The following SRI variants were observed in gnomAD, a reference collection of about 807,000 sequenced individuals.
The protein encoded by SRI is sorcin, also known as 22 kDa protein.
A neutral mutation model predicts 33.3 loss-of-function variants in SRI; 30 were observed. The ratio of observed to expected loss-of-function variants is 0.90; its 90% CI spans 0.67 to 1.22. The LOEUF (loss-of-function observed/expected upper bound fraction) is 1.22, where lower values mean the gene tolerates loss of function less well. Among genes scored for constraint, SRI ranks in the 50% most tolerant of loss-of-function variants. SRI has a pLI of 0.00. For synonymous variants in SRI, 75 were observed against 89.9 expected (o/e 0.83, Z 0.94); for missense variants, 243 against 250.8 (o/e 0.97, Z 0.21).
intron 1 of SRI, among the ~76,000 whole-genome samples, chr7:88,225,210 T>C (rs1014347662): frequency 1.3e-5 from 2 of 152,234 alleles, no homozygotes; most frequent in African/African-American, 2.4e-5. Context: ...CTGGAGTTGA[T>C]GATCAGGATT....
At chr7:88,212,609 G>T (rs1456676899) in intron 3 of SRI, among the ~76,000 whole-genome samples, 1 of 152,202 alleles carries the variant, frequency 6.6e-6, no homozygotes, top group Non-Finnish European at 1.5e-5. Flanking sequence ...CTCAAAGTGT[G>T]ATTCCTGGAC....
chr7:88,212,648 G>A (rs935687590), intron 3 of SRI, among the ~76,000 whole-genome samples: 1 of 152,190 alleles, frequency 6.6e-6, no homozygotes, highest in Non-Finnish European at 1.5e-5. Flanking sequence ...CCAGGAGCTT[G>A]AAGAACTGCA....
At chr7:88,210,994 CAAATT>C in intron 3 of SRI, 69 bp from the exon 4 acceptor site, 1 of 1,176,918 alleles carries the variant, frequency 8.5e-7, no homozygotes, top group East Asian at 2.4e-5. Context: ...TGGATACATT[CAAATT>C]AATTAGAAAT....
intron 3 of SRI, chr7:88,214,865 A>G (rs938515228): frequency 1.6e-6 from 2 of 1,260,940 alleles, no homozygotes; most frequent in Non-Finnish European, 2.1e-6. Context: ...TCACAGAAAC[A>G]TACAATATAA....
chr7:88,213,726 A>C (rs1185377676), intron 3 of SRI, among the ~76,000 whole-genome samples: 3 of 152,170 alleles, frequency 2.0e-5, no homozygotes, highest in Non-Finnish European at 4.4e-5. Flanking sequence ...TCTCACCCCC[A>C]CGCAGGAAGC....
At chr7:88,209,538 T>C in intron 5 of SRI, 86 bp from the exon 6 acceptor site, 1 of 1,011,612 alleles carries the variant, frequency 9.9e-7, no homozygotes, top group East Asian at 2.5e-5. Flanking sequence ...TTTTATTTTT[T>C]AAGACTGCAG....
upstream of SRI, among the ~76,000 whole-genome samples, chr7:88,220,327 T>G (rs1284371496): frequency 6.6e-6 from 1 of 151,064 alleles, no homozygotes; most frequent in Non-Finnish European, 1.5e-5. Flanking sequence ...TAATGGCACA[T>G]TCCAACACCA....
chr7:88,223,651 A>G (rs1441516808), upstream of SRI, among the ~76,000 whole-genome samples: 1 of 152,254 alleles, frequency 6.6e-6, no homozygotes, highest in Non-Finnish European at 1.5e-5. Flanking sequence ...TGAATTTCAT[A>G]TGACATGAAA....
In SRI at chr7:88,209,230, A is replaced by G. The variant is rs372029007; in HGVS notation, c.511+109T>C. The G allele has an allele frequency of 2.8e-5, 26 of 926,564 alleles. No homozygotes were observed. The African/African-American group carries it at 3.6e-4, about 13-fold the overall frequency. The allele number at this position is 926,564 out of a possible 1,614,324, so 57.4% of individuals were successfully genotyped here. A position where few individuals can be genotyped will look rare whatever the true frequency, so the allele number is the denominator to read the frequency against. On this transcript the variant is annotated intron_variant, in intron 6 of 7. Transcript: ENST00000265729. ...TAATAGTAATCTGAAAAAAACTACT[A>G]AAGCAAGAAAAAATTTGGGAAGAAT...
rs546260766 is a variant in SRI, at chr7:88,209,069, C to G, written c.511+270G>C. 87 of 301,384 alleles carry G rather than the reference C, an allele frequency of 2.9e-4. 1 individual carries two copies. In the East Asian group the frequency reaches 5.9e-3, roughly 21 times the overall value. 18.7% of individuals were successfully genotyped at this position (301,384 alleles called of 1,614,324 possible). A position where few individuals can be genotyped will look rare whatever the true frequency, so the allele number is the denominator to read the frequency against. ...GGGGAAAAATTCATTATTATCTGAT[C>G]AAAAATGCACAAGTTAGCTGATTGT... On this transcript the variant is annotated intron_variant, in intron 6 of 7. Transcript: ENST00000265729.
chr7:88,219,253 T>C, intron 1 of SRI: 1 of 372,150 alleles, frequency 2.7e-6, no homozygotes, highest in Non-Finnish European at 5.1e-6. Flanking sequence ...AGCCAACGAA[T>C]GGCAGGGCTT....
chr7:88,210,135 A>G lies in SRI; in HGVS notation c.250-5T>C, dbSNP rs1349720764. 1.2e-6 allele frequency: 2 copies of G among 1,614,100 alleles called. No homozygotes were observed. The highest frequency in any genetic ancestry group is 1.7e-5 in the Admixed American group (1 of 60,030). ...CATTGTGCCAGACATATCTCTCTGA[A>G]CTGTAATCAAGGATTAGAGCTGTAT... On this transcript the variant is annotated splice_region_variant and splice_polypyrimidine_tract_variant and intron_variant, in intron 4 of 7. Coordinates refer to ENST00000265729, the MANE Select transcript of SRI (RefSeq NM_003130.4).
chr7:88,219,244 G>A (rs1460088007), intron 1 of SRI: 6 of 384,132 alleles, frequency 1.6e-5, no homozygotes, highest in Admixed American at 3.9e-5. Context: ...AACTAGGTAA[G>A]CCAACGAATG....
chr7:88,221,328 G>T (rs568338847), upstream of SRI, among the ~76,000 whole-genome samples: 2 of 152,226 alleles, frequency 1.3e-5, no homozygotes, highest in African/African-American at 4.8e-5. Flanking sequence ...AATTCTAATA[G>T]TCCCTGTTGT....
At position 88,206,291 on chromosome 7, in the gene SRI, A is replaced by G. The variant is rs758109897; in HGVS notation, c.*187T>C. The G allele has an allele frequency of 2.6e-4, 182 of 686,956 alleles. 1 individual carries two copies. The highest frequency in any genetic ancestry group is 9.3e-5 in the Admixed American group (4 of 42,900). The allele number at this position is 686,956 out of a possible 1,614,324, so 42.6% of individuals were successfully genotyped here. On this transcript the variant is annotated 3_prime_UTR_variant, in exon 8 of 8. Transcript: ENST00000265729. Reference sequence around the variant, plus strand: ...ATGGTGTAACAGACTAGATCTTATTAAAGTTCCAAAGAATTTATTATCAAA... The same window carrying G: ...ATGGTGTAACAGACTAGATCTTATTGAAGTTCCAAAGAATTTATTATCAAA...
rs886369071 is a variant in SRI, at chr7:88,205,692, T to C, written c.*786A>G. On this transcript the variant is annotated 3_prime_UTR_variant, in exon 8 of 8. Coordinates refer to ENST00000265729, the MANE Select transcript of SRI (RefSeq NM_003130.4). ...AATACATGGTATATCAAAATGGATG[T>C]ATCAGTATTTTAAAAACTAAAATCT... 11 of 152,226 alleles carry C rather than the reference T, an allele frequency of 7.2e-5. No homozygotes were observed. Among genetic ancestry groups the C allele is most frequent in the African/African-American group, 1.9e-4 (8 of 41,466 alleles). The allele number at this position is 152,226 out of a possible 1,614,324, so 9.4% of individuals were successfully genotyped here.
At chr7:88,210,282 G>T in intron 4 of SRI, 152 bp from the exon 5 acceptor site, 2 of 949,008 alleles carry the variant, frequency 2.1e-6, no homozygotes, top group South Asian at 2.8e-5. Flanking sequence ...TTTAAAAATA[G>T]AAAGGGGCTA....
Position 88,209,195 on chromosome 7 carries a change from C to A in SRI, c.511+144G>T. The A allele has an allele frequency of 1.9e-5, 10 of 538,202 alleles. No homozygotes were observed. The South Asian group carries it at 1.9e-4, about 10-fold the overall frequency. The allele number at this position is 538,202 out of a possible 1,614,324, so 33.3% of individuals were successfully genotyped here. On this transcript the variant is annotated intron_variant, in intron 6 of 7. Transcript: ENST00000265729. ...AAAAAAAACCAAAAAATTATTTTGCCAGATATGCTTAATAGTAATCTGAAA... is the reference window on the plus strand; with the variant it reads ...AAAAAAAACCAAAAAATTATTTTGCAAGATATGCTTAATAGTAATCTGAAA...
chr7:88,219,690 G>A (rs1851834824), intron 1 of SRI, among the ~76,000 whole-genome samples: 1 of 152,124 alleles, frequency 6.6e-6, no homozygotes, highest in Non-Finnish European at 1.5e-5. Context: ...CAATTAACAC[G>A]ATTTCACGCC....
Sources: gnomAD v4.1 joint callset for allele counts (sites outside exome capture counted in the v4.1 genomes callset) on GRCh38, gnomAD v4.1.1 for gene constraint, MANE v1.5 for transcripts, NCBI Gene and HGNC (gene_info 2026-07-23, HGNC 2026-07-21) for gene names.